Variants in KCNJ13 observed in about 807,000 individuals in gnomAD.
KCNJ13 encodes the protein inward rectifier potassium channel 13.
Under a neutral mutation model 24.6 loss-of-function variants are expected in KCNJ13, and 9 were observed. The observed-to-expected ratio is 0.37, with a 90% CI of 0.22 to 0.64. The LOEUF (loss-of-function observed/expected upper bound fraction) is 0.64, where lower values mean the gene tolerates loss of function less well. KCNJ13 is among the 30% of genes least tolerant of loss of function. The pLI is 0.64. For synonymous variants in KCNJ13, 148 were observed against 154.7 expected, an observed-to-expected ratio of 0.96 and a Z score of 0.32; for missense variants, 337 against 443.8, an observed-to-expected ratio of 0.76 and a Z score of 2.16.
intron 2 of KCNJ13, among the ~76,000 whole-genome samples, chr2:232,770,627 G>A (rs1041999827): frequency 2.0e-5 from 3 of 151,718 alleles, no homozygotes; most frequent in African/African-American, 7.3e-5. Context: ...TTTTGATATG[G>A]GATATTTCTG....
At position 232,765,835 on chromosome 2, in the gene KCNJ13, A is replaced by AT. The variant is rs1411555179; in HGVS notation, c.*2355dup. ...ACATATGTAAAACTAGGCCCCTGAG[A>AT]TTTTTAGGTAACGACATGCCTCCAG... On this transcript the variant is annotated 3_prime_UTR_variant, in exon 3 of 3. Transcript: ENST00000233826. The AT allele has an allele frequency of 2.2e-6, 1 of 447,856 alleles. No individual in the cohort carries two copies. The highest frequency in any genetic ancestry group is 4.6e-6 in the Non-Finnish European group (1 of 215,148). The allele number at this position is 447,856 out of a possible 1,614,324, so 27.7% of individuals were successfully genotyped here.
At chr2:232,774,648 C>T (rs1427299215) in intron 1 of KCNJ13, among the ~76,000 whole-genome samples, 1 of 152,132 alleles carries the variant, frequency 6.6e-6, no homozygotes. Context: ...GGGTGAACAA[C>T]TTTGTCATTC....
intron 1 of KCNJ13, among the ~76,000 whole-genome samples, chr2:232,774,487 A>G (rs556918189): frequency 2.0e-5 from 3 of 152,336 alleles, no homozygotes; most frequent in African/African-American, 7.2e-5. Context: ...ATGACATAAC[A>G]TTGCCAAGTT....
rs778621880 is a variant in KCNJ13, at chr2:232,771,201, A to G, written c.162T>C (p.Arg54=). Residue 54 remains arginine (R), a synonymous_variant, in exon 2 of 3, where the codon CGT becomes CGC. Transcript: ENST00000233826. ...AAGCAGAAAAGACCAACATCATCCAACGCCAGCGCATGTCCATTAGGATTC... is the reference window on the plus strand; with the variant it reads ...AAGCAGAAAAGACCAACATCATCCAGCGCCAGCGCATGTCCATTAGGATTC... ...AWGILMDMRW[R]WMMLVFSASF... is the part of the protein sequence containing the mutation. 5.0e-6 allele frequency: 8 copies of G among 1,613,234 alleles called. No homozygotes were observed. Among genetic ancestry groups the G allele is most frequent in the East Asian group, 2.2e-5 (1 of 44,872 alleles).
rs1699101715 is a variant in KCNJ13, at chr2:232,768,955, AT to A, written c.461-143del. ...GAGTCAGGAATTGAACTCATTGTTAATTTGGTCAGTCTTATTTGCCTGAAGC... is the reference window on the plus strand; with the variant it reads ...GAGTCAGGAATTGAACTCATTGTTAATTGGTCAGTCTTATTTGCCTGAAGC... On this transcript the variant is annotated intron_variant, in intron 2 of 2. Coordinates refer to ENST00000233826, the MANE Select transcript of KCNJ13 (RefSeq NM_002242.4). The A allele has an allele frequency of 1.6e-5, 11 of 694,038 alleles. No individual in the cohort carries two copies. The South Asian group carries it at 2.4e-4, about 15-fold the overall frequency. The allele number at this position is 694,038 out of a possible 1,614,324, so 43.0% of individuals were successfully genotyped here.
intron 1 of KCNJ13, among the ~76,000 whole-genome samples, chr2:232,775,374 C>G (rs1171427822): frequency 6.6e-6 from 1 of 152,190 alleles, no homozygotes; most frequent in East Asian, 1.9e-4. Context: ...AATAAGATTT[C>G]TTAAAGCTCT....
At chr2:232,776,056 A>G (rs1699498308) in intron 1 of KCNJ13, among the ~76,000 whole-genome samples, 1 of 151,514 alleles carries the variant, frequency 6.6e-6, no homozygotes, top group Non-Finnish European at 1.5e-5. Context: ...AAGTAAAAAC[A>G]AAGTGGCTTA....
In KCNJ13 at chr2:232,767,829, T is replaced by C. The variant is rs1196726010; in HGVS notation, c.*362A>G. On this transcript the variant is annotated 3_prime_UTR_variant, in exon 3 of 3. Coordinates refer to ENST00000233826, the MANE Select transcript of KCNJ13 (RefSeq NM_002242.4). ...CTAAACTGTTGCTTCAATTTGCAGA[T>C]GAAAATGAGAGATTAATGGTTGATT... 2 of 265,840 alleles carry C rather than the reference T, an allele frequency of 7.5e-6. No homozygotes were observed. Among genetic ancestry groups the C allele is most frequent in the East Asian group, 2.1e-4 (2 of 9,712 alleles). 16.5% of individuals were successfully genotyped at this position (265,840 alleles called of 1,614,324 possible).
At chr2:232,775,119 T>C (rs747289400) in intron 1 of KCNJ13, among the ~76,000 whole-genome samples, 4 of 151,806 alleles carry the variant, frequency 2.6e-5, no homozygotes, top group Non-Finnish European at 4.4e-5. Flanking sequence ...TGTTGGCAAG[T>C]GGAGTAATAT....
Position 232,768,343 on chromosome 2 carries a change from A to G in KCNJ13, c.931T>C (p.Tyr311His). 1 of 1,614,182 alleles carries G rather than the reference A, an allele frequency of 6.2e-7. No individual in the cohort carries two copies. Among genetic ancestry groups the G allele is most frequent in the Non-Finnish European group, 8.5e-7 (1 of 1,180,032 alleles). ...SLLTRGSKGE[Y>H]QIKMENFDKT... is the part of the protein sequence containing the mutation. ...TCAAAATTCTCCATCTTGATTTGAT[A>G]TTCACCTTTGGAACCTCGGGTCAAC... Residue 311 changes from tyrosine to histidine, a missense_variant, in exon 3 of 3, where the codon TAT becomes CAT. By Grantham distance (83) the Tyr-to-His change is moderately conservative. Transcript: ENST00000233826.
At position 232,768,336 on chromosome 2, in the gene KCNJ13, A is replaced by C; in HGVS notation, c.938T>G (p.Ile313Ser). The change falls in exon 3 of 3, where the codon ATC becomes AGC. Residue 313 changes from isoleucine (I) to serine (S), a missense_variant. Physicochemically the swap from Ile to Ser is moderately radical, Grantham distance 142. Coordinates refer to ENST00000233826, the MANE Select transcript of KCNJ13 (RefSeq NM_002242.4). ...AGTCTTGTCAAAATTCTCCATCTTG[A>C]TTTGATATTCACCTTTGGAACCTCG... Reference protein sequence around the residue: ...LTRGSKGEYQIKMENFDKTVP... With the variant: ...LTRGSKGEYQSKMENFDKTVP... 1 of 1,614,178 alleles carries C rather than the reference A, an allele frequency of 6.2e-7. No homozygotes were observed. The highest frequency in any genetic ancestry group is 8.5e-7 in the Non-Finnish European group (1 of 1,180,016).
At chr2:232,770,470 A>G (rs1388445309) in intron 2 of KCNJ13, among the ~76,000 whole-genome samples, 3 of 152,212 alleles carry the variant, frequency 2.0e-5, no homozygotes, top group Non-Finnish European at 4.4e-5. Context: ...ATAGGAGGGA[A>G]TTCTAGCTCA....
In KCNJ13 at chr2:232,768,501, T is replaced by C. The variant is rs2106334943; in HGVS notation, c.773A>G (p.Gln258Arg). The C allele has an allele frequency of 1.2e-6, 2 of 1,614,194 alleles. No individual in the cohort carries two copies. Among genetic ancestry groups the C allele is most frequent in the East Asian group, 2.2e-5 (1 of 44,882 alleles). ...TPSSPLATLLQHENPSHFELV... is the reference protein window; with the variant it reads ...TPSSPLATLLRHENPSHFELV... ...TTCAAAGTGAGAAGGATTTTCATGC[T>C]GGAGCAGAGTAGCCAGAGGACTTGA... Residue 258 changes from glutamine (Q) to arginine (R), a missense_variant, in exon 3 of 3, where the codon CAG becomes CGG. Gln to Arg is a conservative substitution (Grantham distance 43, BLOSUM62 1). This residue lies in a region of KCNJ13 where 235 missense variants were observed against 286.9 expected (regional missense o/e 0.82). Transcript: ENST00000233826.
intron 1 of KCNJ13, among the ~76,000 whole-genome samples, chr2:232,773,582 G>T (rs1199143894): frequency 2.6e-5 from 4 of 152,050 alleles, no homozygotes; most frequent in Non-Finnish European, 4.4e-5. Flanking sequence ...ACCTTTAGTA[G>T]ATGCCTTTCT....
Position 232,768,795 on chromosome 2 carries a change from A to T in KCNJ13, c.479T>A (p.Ile160Asn), listed in dbSNP as rs564363265. 6 of 1,605,480 alleles carry T rather than the reference A, an allele frequency of 3.7e-6. No individual in the cohort carries two copies. In the Admixed American group the frequency reaches 5.1e-5, roughly 14 times the overall value. Reference protein sequence around the residue: ...AFITGAFVAKIARPKNRAFSI... With the variant: ...AFITGAFVAKNARPKNRAFSI... ...AAAAGCTCGATTTTTTGGCCGGGCA[A>T]TCTTCGCCACAAAAGCACCTAAATA... Residue 160 changes from isoleucine (I) to asparagine (N), a missense_variant, in exon 3 of 3, where the codon ATT (isoleucine) becomes AAT (asparagine). Ile to Asn is a moderately radical substitution (Grantham distance 149). Around this residue, in one of 3 missense-constraint regions of KCNJ13, gnomAD observed 235 missense variants for 286.9 expected, o/e 0.82. Coordinates refer to ENST00000233826, the MANE Select transcript of KCNJ13 (RefSeq NM_002242.4).
rs1221570072 is a variant in KCNJ13 at position 232,771,247 on chromosome 2, G to C, written c.116C>G (p.Ala39Gly). 1.2e-6 allele frequency: 2 copies of C among 1,609,576 alleles called. No individual in the cohort carries two copies. Among genetic ancestry groups the C allele is most frequent in the Admixed American group, 1.7e-5 (1 of 59,834 alleles). Residue 39 changes from alanine (A) to glycine (G), a missense_variant, in exon 2 of 3, where the codon GCA becomes GGA. Coordinates refer to ENST00000233826, the MANE Select transcript of KCNJ13 (RefSeq NM_002242.4). The part of the protein sequence containing the change: ...LQMDGAQRGL[A>G]YLRDAWGILM... The stretch of plus-strand genomic sequence containing the variant: ...GATTCCCCAAGCATCTCGAAGATAT[G>C]CAAGACCTCTTTGAGCGCCATCCAT...
chr2:232,768,777 C>A lies in KCNJ13; in HGVS notation c.497G>T (p.Arg166Leu). The stretch of plus-strand genomic sequence containing the variant: ...GTCAGTAAAGCGAATTGAAAAAGCT[C>A]GATTTTTTGGCCGGGCAATCTTCGC... ...FVAKIARPKN[R>L]AFSIRFTDTA... The change falls in exon 3 of 3, where the codon CGA becomes CTA. Residue 166 changes from arginine (R) to leucine (L), a missense_variant. Around this residue, in one of 3 missense-constraint regions of KCNJ13, gnomAD observed 235 missense variants for 286.9 expected, o/e 0.82. Transcript: ENST00000233826. 6.2e-7 allele frequency: 1 copy of A among 1,600,458 alleles called. No individual in the cohort carries two copies. The highest frequency in any genetic ancestry group is 8.5e-7 in the Non-Finnish European group (1 of 1,170,424).
intron 1 of KCNJ13, among the ~76,000 whole-genome samples, chr2:232,773,933 AG>A (rs1326328549): frequency 6.9e-6 from 1 of 143,948 alleles, no homozygotes; most frequent in Non-Finnish European, 1.5e-5. Context: ...AAAAAAAAAA[AG>A]GTGTCTTAAG....
At chr2:232,776,274 T>G (rs1699509051) in intron 1 of KCNJ13, 171 bp downstream of exon 1, 1 of 498,908 alleles carries the variant, frequency 2.0e-6, no homozygotes, top group Admixed American at 3.6e-5. Context: ...GTTATTGCAT[T>G]TTTAAGATTT....
Sources: gnomAD v4.1 joint callset for allele counts (sites outside exome capture counted in the v4.1 genomes callset) on GRCh38, gnomAD v4.1.1 for gene constraint, gnomAD v4.1.1 regional missense constraint, MANE v1.5 for transcripts, NCBI Gene and HGNC (gene_info 2026-07-23, HGNC 2026-07-21) for gene names.